The following PLCL1 variants were observed in gnomAD, a reference collection of about 807,000 sequenced individuals.
PLCL1 encodes phospholipase C like 1 (inactive).
Under a neutral mutation model 84.4 loss-of-function variants are expected in PLCL1, and 41 were observed. That is an observed-to-expected ratio of 0.49 (90% confidence interval 0.38 to 0.63). PLCL1 has a LOEUF of 0.63. PLCL1 is among the 30% of genes least tolerant of loss of function. PLCL1 has a pLI of 0.00. For synonymous variants in PLCL1, 490 were observed against 488.3 expected (o/e 1.00, Z -0.05); for missense variants, 1,206 against 1,367.8 (o/e 0.88, Z 1.87).
intron 1 of PLCL1, among the ~76,000 whole-genome samples, chr2:197,880,217 A>G (rs887439379): frequency 1.3e-5 from 2 of 152,156 alleles, no homozygotes; most frequent in African/African-American, 4.8e-5. Flanking sequence ...CAGTGATCTA[A>G]TGATTATGAA....
chr2:198,079,396 T>G (rs548599712), intron 1 of PLCL1, among the ~76,000 whole-genome samples: 5 of 152,108 alleles, frequency 3.3e-5, no homozygotes, highest in African/African-American at 7.2e-5. Flanking sequence ...GCAACAGTGT[T>G]GTAGAAAATA....
intron 1 of PLCL1, among the ~76,000 whole-genome samples, chr2:198,028,474 T>A (rs1691326172): frequency 6.6e-6 from 1 of 152,226 alleles, no homozygotes; most frequent in Non-Finnish European, 1.5e-5. Flanking sequence ...AGAACCCTGA[T>A]AGGAGGATTT....
chr2:198,015,377 C>A (rs1574247705), intron 1 of PLCL1, among the ~76,000 whole-genome samples: 1 of 152,100 alleles, frequency 6.6e-6, no homozygotes, highest in East Asian at 1.9e-4. Context: ...TCTCATAAGG[C>A]ACATTTTTTC....
Position 197,804,949 on chromosome 2 carries a change from G to T in PLCL1, c.-151G>T. Reference sequence around the variant, plus strand: ...GTCCCCTCTCCAGAAAGTTGCCGCCGCCGCCGCCGCCGCCGCCACTGCCGC... The same window carrying T: ...GTCCCCTCTCCAGAAAGTTGCCGCCTCCGCCGCCGCCGCCGCCACTGCCGC... On this transcript the variant is annotated 5_prime_UTR_variant, in exon 1 of 6. Coordinates refer to ENST00000428675, the MANE Select transcript of PLCL1 (RefSeq NM_006226.4). 1.0e-6 allele frequency: 1 copy of T among 953,440 alleles called. No homozygotes were observed. 59.1% of individuals were successfully genotyped at this position (953,440 alleles called of 1,614,324 possible). A position where few individuals can be genotyped will look rare whatever the true frequency, so the allele number is the denominator to read the frequency against.
chr2:198,056,314 C>CA (rs1324215704), intron 1 of PLCL1, among the ~76,000 whole-genome samples: 1 of 152,018 alleles, frequency 6.6e-6, no homozygotes, highest in African/African-American at 2.4e-5. Flanking sequence ...TGTTCCCCTC[C>CA]CCCCCATAAG....
chr2:197,874,344 G>A (rs1574925137), intron 1 of PLCL1, among the ~76,000 whole-genome samples: 1 of 151,930 alleles, frequency 6.6e-6, no homozygotes, highest in South Asian at 2.1e-4. Context: ...TTATAATATA[G>A]TTTAGAAGCT....
chr2:197,953,342 A>G (rs538597062), intron 1 of PLCL1, among the ~76,000 whole-genome samples: 82 of 152,106 alleles, frequency 5.4e-4, no homozygotes, highest in Non-Finnish European at 1.0e-3. Flanking sequence ...ACCTGCCTTT[A>G]GTTGTGGTGT....
chr2:197,870,346 T>C (rs1687628188), intron 1 of PLCL1, among the ~76,000 whole-genome samples: 1 of 152,140 alleles, frequency 6.6e-6, no homozygotes, highest in Non-Finnish European at 1.5e-5. Context: ...TAGTCACATC[T>C]TCATGAGCCA....
chr2:197,974,851 G>A (rs1001614878), intron 1 of PLCL1, among the ~76,000 whole-genome samples: 12 of 152,220 alleles, frequency 7.9e-5, no homozygotes, highest in African/African-American at 2.7e-4. Flanking sequence ...TATAGTAAGA[G>A]TGATGCTTGG....
chr2:198,140,527 A>T (rs747911245), intron 5 of PLCL1, among the ~76,000 whole-genome samples: 1 of 152,178 alleles, frequency 6.6e-6, no homozygotes, highest in Non-Finnish European at 1.5e-5. Flanking sequence ...AAGCTATTGT[A>T]ACAAAGAAAG....
chr2:197,972,714 G>T (rs1371215998), intron 1 of PLCL1, among the ~76,000 whole-genome samples: 3 of 152,044 alleles, frequency 2.0e-5, no homozygotes, highest in Admixed American at 6.6e-5. Flanking sequence ...TCTCTCCTAG[G>T]TTTAATTTTT....
chr2:197,874,855 T>C (rs1467294386), intron 1 of PLCL1, among the ~76,000 whole-genome samples: 1 of 152,294 alleles, frequency 6.6e-6, no homozygotes, highest in South Asian at 2.1e-4. Context: ...TGTTCTTTAA[T>C]AGTAGGATAG....
At chr2:197,944,644 G>A (rs1914690) in intron 1 of PLCL1, among the ~76,000 whole-genome samples, 73,496 of 152,016 alleles carry the variant, frequency 0.48, 18,174 homozygotes, top group Middle Eastern at 0.58. Flanking sequence ...GGAAAGAAAC[G>A]TTAACAATAA....
intron 1 of PLCL1, among the ~76,000 whole-genome samples, chr2:197,923,302 A>G (rs1574950750): frequency 7.0e-6 from 1 of 142,610 alleles, no homozygotes; most frequent in South Asian, 2.3e-4. Flanking sequence ...CCGGGCGGAG[A>G]CGCTCCTCAC....
intron 1 of PLCL1, among the ~76,000 whole-genome samples, chr2:197,897,181 TTC>T (rs1491434442): frequency 0.13 from 3,824 of 30,008 alleles, 228 homozygotes; most frequent in African/African-American, 0.21. Context: ...CTTCTTCTTC[TTC>T]TTCTTCTCCT....
chr2:198,085,694 A>C lies in PLCL1; in HGVS notation c.2177A>C (p.Lys726Thr). Reference protein sequence around the residue: ...PGVSPLALHIKIISGQNFPKP... With the variant: ...PGVSPLALHITIISGQNFPKP... The stretch of plus-strand genomic sequence containing the variant: ...GTGTCTCCTCTAGCTCTTCATATCA[A>C]GATCATCAGTGGTCAGAATTTCCCA... The change falls in exon 2 of 6, where the codon AAG (lysine) becomes ACG (threonine). Residue 726 changes from lysine to threonine, a missense_variant. By Grantham distance (78) the Lys-to-Thr change is moderately conservative (BLOSUM62 -1). Coordinates refer to ENST00000428675, the MANE Select transcript of PLCL1 (RefSeq NM_006226.4). The surrounding 1 kb of genome is among the most constrained non-coding windows in gnomAD (Gnocchi z 5.3). The C allele has an allele frequency of 6.2e-7, 1 of 1,614,170 alleles. No homozygotes were observed. Among genetic ancestry groups the C allele is most frequent in the Non-Finnish European group, 8.5e-7 (1 of 1,180,002 alleles).
At chr2:198,028,692 G>A (rs559474451) in intron 1 of PLCL1, among the ~76,000 whole-genome samples, 2 of 152,110 alleles carry the variant, frequency 1.3e-5, no homozygotes, top group East Asian at 1.9e-4. Context: ...TCTCCTATTC[G>A]GGGAGAAGGG....
intron 1 of PLCL1, among the ~76,000 whole-genome samples, chr2:198,073,543 T>A (rs1692510645): frequency 1.3e-5 from 2 of 152,216 alleles, no homozygotes; most frequent in Non-Finnish European, 2.9e-5. Context: ...TGTATCTCTA[T>A]GATAGCTAGT....
At chr2:197,831,101 T>C (rs1025507766) in intron 1 of PLCL1, among the ~76,000 whole-genome samples, 4 of 152,138 alleles carry the variant, frequency 2.6e-5, no homozygotes, top group African/African-American at 9.7e-5. Context: ...ATAAGGAAAC[T>C]GCATCAACTA....
Sources: allele counts gnomAD v4.1 joint callset (sites outside exome capture counted in the v4.1 genomes callset), GRCh38; gene constraint gnomAD v4.1.1; non-coding constraint Gnocchi (gnomAD v3.1); transcripts MANE v1.5; gene names NCBI Gene and HGNC (gene_info 2026-07-23, HGNC 2026-07-21).